The following GGT1 variants were observed in gnomAD, a reference collection of about 807,000 sequenced individuals.
The protein encoded by GGT1 is gamma-glutamyltransferase 1, also known as glutathione hydrolase 1 proenzyme.
In GGT1, 21 loss-of-function variants were observed where a neutral mutation model predicts 56.0. That is an observed-to-expected ratio of 0.38 (90% CI 0.27 to 0.54). GGT1 has a LOEUF of 0.54. GGT1 is among the 20% of genes least tolerant of loss of function. GGT1 has a pLI of 0.82. For synonymous variants in GGT1, 238 were observed against 342.6 expected, an observed-to-expected ratio of 0.69 and a Z score of 3.37; for missense variants, 466 against 787.0, an observed-to-expected ratio of 0.59 and a Z score of 4.88.
At chr22:24,585,934 G>A in the GGT1 span, 5 of 1,608,248 alleles carry the variant, frequency 3.1e-6, no homozygotes, top group Non-Finnish European at 4.2e-6. Context: ...CAGCAGCTGT[G>A]GAGTCCCAGG....
intron 5 of GGT1, among the ~76,000 whole-genome samples, chr22:24,611,593 TCTATCTAC>T (rs2046694046): frequency 7.0e-6 from 1 of 142,572 alleles, no homozygotes; most frequent in African/African-American, 2.6e-5. Flanking sequence ...TATCTATCTA[TCTATCTAC>T]TATCTATCTA....
chr22:24,610,080 C>T, intron 3 of GGT1, 47 bp downstream of exon 3: 1 of 451,498 alleles, frequency 2.2e-6, no homozygotes, highest in South Asian at 1.6e-5. Flanking sequence ...GGCGGTGCCC[C>T]CTGAGCCCCC....
At chr22:24,585,705 G>C in the GGT1 span, 1 of 697,050 alleles carries the variant, frequency 1.4e-6, no homozygotes. Context: ...GGAAGGCTGA[G>C]CCTCTAGCCA....
At chr22:24,589,184 G>A in the GGT1 span, 23 of 1,185,728 alleles carry the variant, frequency 1.9e-5, no homozygotes, top group Non-Finnish European at 2.5e-5. Context: ...TCCGGTGGCT[G>A]GTCACAGCCA....
At chr22:24,592,897 T>C (rs2045615908), upstream of GGT1, 4 of 1,279,582 alleles carry the variant, frequency 3.1e-6, no homozygotes, top group South Asian at 2.4e-5. Context: ...CCGGGCGCGC[T>C]CCGGCCGCCG....
Position 24,626,708 on chromosome 22 carries a change from C to G in GGT1, c.1021-724C>G, listed in dbSNP as rs1233030723. Among the ~76,000 whole-genome samples the G allele has an allele frequency of 1.1e-4, 17 of 151,268 alleles. No homozygotes were observed. In the South Asian group the frequency reaches 2.5e-3, roughly 22 times the overall value. ...TCCCCTTTGGGCTTTATCCTTATCC[C>G]CATCATAGCTGCCAGAGGGATCCTG... On this transcript the variant is annotated intron_variant, in intron 11 of 15. Transcript: ENST00000400382.
At chr22:24,588,607 T>G in the GGT1 span, 1 of 1,010,060 alleles carries the variant, frequency 9.9e-7, no homozygotes, top group East Asian at 4.2e-5. Flanking sequence ...TTCCCTGTCC[T>G]CGGGCCCAGG....
intron 1 of GGT1, among the ~76,000 whole-genome samples, chr22:24,606,519 CTGA>C (rs1171946223): frequency 1.3e-5 from 2 of 152,220 alleles, no homozygotes; most frequent in Non-Finnish European, 2.9e-5. Flanking sequence ...GCCAAATCCC[CTGA>C]TGTTCCTGTT....
Position 24,623,256 on chromosome 22 carries a change from G to C in GGT1, c.883G>C (p.Gly295Arg). Residue 295 changes from glycine to arginine, a missense_variant and splice_region_variant, in exon 10 of 16, where the codon GGG becomes CGG. This residue lies in a region of GGT1 where 456 missense variants were observed against 716.7 expected (regional missense o/e 0.64). Coordinates refer to ENST00000400382, the MANE Select transcript of GGT1 (RefSeq NM_001288833.2). ...VLALILNILK[G>R]YNFSRESVES... Reference sequence around the variant, plus strand: ...GGCCCTCATCCTCAACATCCTCAAAGGTGAGTGGTCGCACCACAGCCGTGT... The same window carrying C: ...GGCCCTCATCCTCAACATCCTCAAACGTGAGTGGTCGCACCACAGCCGTGT... 6.4e-7 allele frequency: 1 copy of C among 1,573,016 alleles called. No homozygotes were observed. The highest frequency in any genetic ancestry group is 1.1e-5 in the South Asian group (1 of 87,236).
upstream of GGT1, among the ~76,000 whole-genome samples, chr22:24,593,611 C>T (rs1049243600): frequency 1.3e-5 from 2 of 151,906 alleles, no homozygotes; most frequent in Non-Finnish European, 2.9e-5. Context: ...CATGGTGAAA[C>T]CACATTTTTA....
At chr22:24,625,305 T>A (rs1317033572) in intron 11 of GGT1, among the ~76,000 whole-genome samples, 2 of 152,014 alleles carry the variant, frequency 1.3e-5, no homozygotes, top group Non-Finnish European at 2.9e-5. Context: ...GTACACAGAG[T>A]CTCTGTCATC....
rs2046023157 is a variant in GGT1, at chr22:24,605,216, T to TA, written c.-429+1690dup. On this transcript the variant is annotated intron_variant, in intron 1 of 15. Coordinates refer to ENST00000400382, the MANE Select transcript of GGT1 (RefSeq NM_001288833.2). ...AATATATAATATGTATTATATTATATATTATATAATATGTATTATATTATA... is the reference window on the plus strand; with the variant it reads ...AATATATAATATGTATTATATTATATAATTATATAATATGTATTATATTATA... Among the ~76,000 whole-genome samples the TA allele has an allele frequency of 4.6e-5, 3 of 65,130 alleles. 1 individual carries two copies. The highest frequency in any genetic ancestry group is 7.6e-5 in the Non-Finnish European group (3 of 39,556). 42.7% of individuals were successfully genotyped at this position (65,130 alleles called of 152,430 possible). A position where few individuals can be genotyped will look rare whatever the true frequency, so the allele number is the denominator to read the frequency against.
chr22:24,585,579 C>G, the GGT1 span: 5 of 440,092 alleles, frequency 1.1e-5, no homozygotes, highest in East Asian at 2.1e-4. Context: ...TCTCCCCACC[C>G]CAGCAGCAGG....
At position 24,614,819 on chromosome 22, in the gene GGT1, G is replaced by A. The variant is rs753196463; in HGVS notation, c.208G>A (p.Ala70Thr). ...DGGSAVDAAI[A>T]ALLCVGLMNA... ...TGGCTCTGCGGTGGATGCAGCCATT[G>A]CAGCCCTGTTGTGTGTGGGGCTCAT... The change falls in exon 6 of 16, where the codon GCA becomes ACA. Residue 70 changes from alanine to threonine, a missense_variant. Physicochemically the swap from Ala to Thr is moderately conservative, Grantham distance 58 (BLOSUM62 0). This residue lies in a region of GGT1 where 456 missense variants were observed against 716.7 expected (regional missense o/e 0.64). Transcript: ENST00000400382. 2.5e-6 allele frequency: 4 copies of A among 1,613,514 alleles called. No individual in the cohort carries two copies. Among genetic ancestry groups the A allele is most frequent in the Admixed American group, 1.7e-5 (1 of 60,014 alleles).
rs760856993 is a variant in GGT1, at chr22:24,614,876, C to G, written c.265C>G (p.Leu89Val). Residue 89 changes from leucine to valine, a missense_variant, in exon 6 of 16, where the codon CTC (leucine) becomes GTC (valine). Transcript: ENST00000400382. ...NAHSMGIGGGLFLTIYNSTTR... is the reference protein window; with the variant it reads ...NAHSMGIGGGVFLTIYNSTTR... ...CCACAGCATGGGCATCGGGGGTGGC[C>G]TCTTCCTCACCATCTACAACAGCAC... 4.3e-6 allele frequency: 7 copies of G among 1,613,348 alleles called. No individual in the cohort carries two copies. Among genetic ancestry groups the G allele is most frequent in the Non-Finnish European group, 5.1e-6 (6 of 1,179,678 alleles).
chr22:24,593,000 C>G, upstream of GGT1: 1 of 1,136,984 alleles, frequency 8.8e-7, no homozygotes, highest in Non-Finnish European at 1.1e-6. Flanking sequence ...GCCTCAGAGC[C>G]AGCCTCGGGC....
chr22:24,586,893 G>A, the GGT1 span, among the ~76,000 whole-genome samples: 1 of 152,196 alleles, frequency 6.6e-6, no homozygotes, highest in Non-Finnish European at 1.5e-5. Context: ...TTTCCCCTTT[G>A]GTGAAAATGG....
At chr22:24,588,354 G>A in the GGT1 span, 1 of 1,572,042 alleles carries the variant, frequency 6.4e-7, no homozygotes, top group Non-Finnish European at 8.7e-7. Flanking sequence ...TGTCACCATG[G>A]TGAATCTGAG....
intron 5 of GGT1, among the ~76,000 whole-genome samples, chr22:24,612,769 C>T (rs1200152392): frequency 4.6e-5 from 7 of 152,084 alleles, no homozygotes; most frequent in Admixed American, 6.5e-5. Flanking sequence ...TCAGGTGATC[C>T]GCCTGCCTTG....
Sources: gnomAD v4.1 joint callset for allele counts (sites outside exome capture counted in the v4.1 genomes callset) on GRCh38, gnomAD v4.1.1 for gene constraint, gnomAD v4.1.1 regional missense constraint, MANE v1.5 for transcripts, NCBI Gene and HGNC (gene_info 2026-07-23, HGNC 2026-07-21) for gene names.